Variants in DCLK3 observed in about 807,000 individuals in gnomAD.
DCLK3 encodes the protein doublecortin like kinase 3.
In DCLK3, 30 loss-of-function variants were observed where a neutral mutation model predicts 46.4. The ratio of observed to expected loss-of-function variants is 0.65; its 90% CI spans 0.48 to 0.88. DCLK3 has a LOEUF of 0.88. Among genes scored for constraint, DCLK3 ranks in the 40% least tolerant of loss-of-function variants. The pLI is 0.00. For missense variants in DCLK3, 846 were observed against 907.1 expected (o/e 0.93, Z 0.87); for synonymous variants, 401 against 339.2 (o/e 1.18, Z -2.00).
chr3:36,730,193 T>C (rs1507876), intron 2 of DCLK3, among the ~76,000 whole-genome samples: 23,823 of 142,772 alleles, frequency 0.17, 2,736 homozygotes, highest in East Asian at 0.57. Context: ...ACACCATATA[T>C]ACACACACAC....
At chr3:36,717,410 C>A (rs1700997947) in intron 4 of DCLK3, among the ~76,000 whole-genome samples, 1 of 152,188 alleles carries the variant, frequency 6.6e-6, no homozygotes, top group Admixed American at 6.5e-5. Context: ...TCCTATTCTA[C>A]TTTTTAAGCT....
At chr3:36,729,106 GAT>G (rs1474566163) in intron 2 of DCLK3, among the ~76,000 whole-genome samples, 2 of 152,158 alleles carry the variant, frequency 1.3e-5, no homozygotes, top group African/African-American at 4.8e-5. Flanking sequence ...GGTGTGATTC[GAT>G]CAGAGCAGAG....
chr3:36,720,105 A>G (rs553611822), intron 3 of DCLK3, among the ~76,000 whole-genome samples: 1 of 152,186 alleles, frequency 6.6e-6, no homozygotes, highest in African/African-American at 2.4e-5. Flanking sequence ...TGGATCCTTC[A>G]TGAATGGTTT....
Position 36,715,269 on chromosome 3 carries a change from C to T in DCLK3, c.*59G>A. The T allele has an allele frequency of 6.3e-7, 1 of 1,576,656 alleles. No individual in the cohort carries two copies. The highest frequency in any genetic ancestry group is 2.3e-5 in the East Asian group (1 of 43,478). Reference sequence around the variant, plus strand: ...CTTTCATTGTTTTTCTCTCAAACTTCTATCCTTTTCTCTGTCCTTGAGCAG... The same window carrying T: ...CTTTCATTGTTTTTCTCTCAAACTTTTATCCTTTTCTCTGTCCTTGAGCAG... On this transcript the variant is annotated 3_prime_UTR_variant, in exon 5 of 5. Transcript: ENST00000636136.
At chr3:36,760,465 G>A (rs779209794) in intron 1 of DCLK3, among the ~76,000 whole-genome samples, 2 of 150,426 alleles carry the variant, frequency 1.3e-5, no homozygotes, top group African/African-American at 2.5e-5. Context: ...ATCACACACC[G>A]GGACCTGTTG....
At chr3:36,741,083 T>C (rs574018611) in intron 1 of DCLK3, among the ~76,000 whole-genome samples, 2 of 152,342 alleles carry the variant, frequency 1.3e-5, no homozygotes, top group East Asian at 3.9e-4. Context: ...CATATGGACA[T>C]CTGTTATCCC....
chr3:36,749,327 T>G (rs529421052), intron 1 of DCLK3, among the ~76,000 whole-genome samples: 1 of 152,322 alleles, frequency 6.6e-6, no homozygotes, highest in South Asian at 2.1e-4. Flanking sequence ...GACTTCATAG[T>G]TTCCTTTCCC....
rs764985283 is a variant in DCLK3 at position 36,715,398 on chromosome 3, T to G, written c.2384A>C (p.Lys795Thr). 1 of 1,614,176 alleles carries G rather than the reference T, an allele frequency of 6.2e-7. No individual in the cohort carries two copies. Among genetic ancestry groups the G allele is most frequent in the South Asian group, 1.1e-5 (1 of 91,080 alleles). ...AGKTNTVKRQ[K>T]QVSPSSEGHF... ...ACCCTCGCTGCTGGGGGACACCTGC[T>G]TCTGTCGTTTCACTGTATTGGTCTT... The change falls in exon 5 of 5, where the codon AAG becomes ACG. Residue 795 changes from lysine (K) to threonine (T), a missense_variant. Lys to Thr is a moderately conservative substitution (Grantham distance 78). Transcript: ENST00000636136.
In DCLK3 at chr3:36,741,653, T is replaced by C. The variant is rs79932690; in HGVS notation, c.83-2569A>G. Among the ~76,000 whole-genome samples the C allele has an allele frequency of 5.5e-4, 84 of 152,230 alleles. No homozygotes were observed. The East Asian group carries it at 0.014, about 25-fold the overall frequency. Reference sequence around the variant, plus strand: ...AGTACATAGCAAAGGAACCATGACATAGGGCTGGACCAGTTGTCCACACGG... The same window carrying C: ...AGTACATAGCAAAGGAACCATGACACAGGGCTGGACCAGTTGTCCACACGG... On this transcript the variant is annotated intron_variant, in intron 1 of 4. Coordinates refer to ENST00000636136, the MANE Select transcript of DCLK3 (RefSeq NM_001394672.2).
At chr3:36,721,280 A>AACACACAC (rs3034440) in intron 3 of DCLK3, among the ~76,000 whole-genome samples, 6 of 150,164 alleles carry the variant, frequency 4.0e-5, no homozygotes, top group East Asian at 2.0e-4. Context: ...AAACACAATA[A>AACACACAC]ACACACACAC....
chr3:36,726,406 C>G (rs1359186107), intron 2 of DCLK3, among the ~76,000 whole-genome samples: 1 of 151,966 alleles, frequency 6.6e-6, no homozygotes, highest in Admixed American at 6.6e-5. Flanking sequence ...AGTGCCACCA[C>G]AGCTGTAGGA....
chr3:36,760,685 T>G (rs1441612460), intron 1 of DCLK3, among the ~76,000 whole-genome samples: 1 of 152,146 alleles, frequency 6.6e-6, no homozygotes, highest in Non-Finnish European at 1.5e-5. Flanking sequence ...AAGCAGAATC[T>G]TAGGCCCCAC....
intron 1 of DCLK3, among the ~76,000 whole-genome samples, chr3:36,756,011 G>A (rs531040457): frequency 1.3e-5 from 2 of 152,298 alleles, no homozygotes; most frequent in East Asian, 1.9e-4. Flanking sequence ...GGCCAGAGCT[G>A]GTCACATAAC....
In DCLK3 at chr3:36,737,853, C is replaced by G. The variant is rs770478315; in HGVS notation, c.1314G>C (p.Arg438Ser). The change falls in exon 2 of 5, where the codon AGG (arginine) becomes AGC (serine). Residue 438 changes from arginine (R) to serine (S), a missense_variant. Coordinates refer to ENST00000636136, the MANE Select transcript of DCLK3 (RefSeq NM_001394672.2). The surrounding 1 kb of genome is among the most constrained non-coding windows in gnomAD (Gnocchi z 4.4). ...EVKKDTRPMS[R>S]SKHGGWLLRE... ...TCAGGAGCCAGCCACCATGTTTGCT[C>G]CTGCTCATGGGCCTGGTGTCCTTCT... The G allele has an allele frequency of 6.2e-7, 1 of 1,613,976 alleles. No individual in the cohort carries two copies. The highest frequency in any genetic ancestry group is 1.1e-5 in the South Asian group (1 of 91,068).
Position 36,737,536 on chromosome 3 carries a change from T to C in DCLK3, c.1631A>G (p.His544Arg). 6.2e-7 allele frequency: 1 copy of C among 1,614,180 alleles called. No homozygotes were observed. ...CGCATAGGCCTGCCTGGTCTCGCGG[T>C]GTCTGCACTCCTTCACGACAGCAAA... ...GNFAVVKECRHRETRQAYAMK... is the reference protein window; with the variant it reads ...GNFAVVKECRRRETRQAYAMK... The change falls in exon 2 of 5, where the codon CAC (histidine) becomes CGC (arginine). Residue 544 changes from histidine to arginine, a missense_variant. Around this residue, in one of 3 missense-constraint regions of DCLK3, gnomAD observed 247 missense variants for 322.8 expected, o/e 0.77. Coordinates refer to ENST00000636136, the MANE Select transcript of DCLK3 (RefSeq NM_001394672.2). The surrounding 1 kb of genome is among the most constrained non-coding windows in gnomAD (Gnocchi z 4.4).
chr3:36,763,250 G>C (rs945419660), intron 1 of DCLK3, among the ~76,000 whole-genome samples: 7 of 152,194 alleles, frequency 4.6e-5, no homozygotes, highest in African/African-American at 1.7e-4. Flanking sequence ...CAACTAGGAG[G>C]GGGTGAGGTG....
At chr3:36,759,279 C>T (rs2125539740) in intron 1 of DCLK3, among the ~76,000 whole-genome samples, 1 of 152,310 alleles carries the variant, frequency 6.6e-6, no homozygotes, top group South Asian at 2.1e-4. Context: ...TCCCCTATTT[C>T]CCAGCCCCCT....
In DCLK3 at chr3:36,714,322, C is replaced by G. The variant is rs1222155754; in HGVS notation, c.*1006G>C. On this transcript the variant is annotated 3_prime_UTR_variant, in exon 5 of 5. Coordinates refer to ENST00000636136, the MANE Select transcript of DCLK3 (RefSeq NM_001394672.2). ...TGACTAGATTTTGTGGCCTACTAACCAGGTCATTCATAATCTAGGAAGGTC... is the reference window on the plus strand; with the variant it reads ...TGACTAGATTTTGTGGCCTACTAACGAGGTCATTCATAATCTAGGAAGGTC... The G allele has an allele frequency of 1.3e-5, 2 of 152,180 alleles. No individual in the cohort carries two copies. Among genetic ancestry groups the G allele is most frequent in the Admixed American group, 1.3e-4 (2 of 15,272 alleles). The allele number at this position is 152,180 out of a possible 1,614,324, so 9.4% of individuals were successfully genotyped here.
intron 2 of DCLK3, among the ~76,000 whole-genome samples, chr3:36,736,936 C>G (rs1701270377): frequency 6.6e-6 from 1 of 152,194 alleles, no homozygotes; most frequent in South Asian, 2.1e-4. Flanking sequence ...TAGTCACTAT[C>G]AAGACAAAAG....
Sources: allele counts gnomAD v4.1 joint callset (sites outside exome capture counted in the v4.1 genomes callset), GRCh38; gene constraint gnomAD v4.1.1; regional missense constraint gnomAD v4.1.1; non-coding constraint Gnocchi (gnomAD v3.1); transcripts MANE v1.5; gene names NCBI Gene and HGNC (gene_info 2026-07-23, HGNC 2026-07-21).